Variants in OSMR observed in about 807,000 individuals in gnomAD.
OSMR encodes the protein oncostatin M receptor.
In OSMR, 81 loss-of-function variants were observed where a neutral mutation model predicts 99.9. The ratio of observed to expected loss-of-function variants is 0.81; its 90% CI spans 0.68 to 0.97. OSMR has a LOEUF of 0.97. Ranked by LOEUF, OSMR falls within the 50% of genes least tolerant of loss-of-function variation. The pLI, the probability that OSMR is intolerant of heterozygous loss-of-function variation, is 0.00. For synonymous variants in OSMR, 406 were observed against 410.4 expected, an observed-to-expected ratio of 0.99 and a Z score of 0.13; for missense variants, 1,099 against 1,153.4, an observed-to-expected ratio of 0.95 and a Z score of 0.68.
chr5:38,935,794 C>CTATT (rs1402790498), downstream of OSMR, among the ~76,000 whole-genome samples: 1 of 152,014 alleles, frequency 6.6e-6, no homozygotes, highest in African/African-American at 2.4e-5. Flanking sequence ...GACCTGGAAT[C>CTATT]TATTTTTTAT....
Position 38,944,611 on chromosome 5 carries a change from C to T in OSMR, c.*86+292C>T, listed in dbSNP as rs774258892. On this transcript the variant is annotated intron_variant and NMD_transcript_variant, in intron 2 of 2. Transcript: ENST00000508882. ...GAGAAGTTAAATATTATCTATGTCA[C>T]AATAAAATGATTAAAACTCATGAAA... is the stretch of plus-strand genomic sequence containing the variant. 12 of 1,494,670 alleles carry T rather than the reference C, an allele frequency of 8.0e-6. No homozygotes were observed. In the Admixed American group the frequency reaches 1.1e-4, roughly 13 times the overall value. The allele number at this position is 1,494,670 out of a possible 1,614,324, so 92.6% of individuals were successfully genotyped here.
chr5:38,942,495 G>C (rs982917407), intron 1 of OSMR: 4 of 505,146 alleles, frequency 7.9e-6, no homozygotes, highest in Non-Finnish European at 1.4e-5. Context: ...AGTCTTCCCA[G>C]GATGCAGCAC....
chr5:38,928,474 A>G (rs531966362), intron 15 of OSMR, among the ~76,000 whole-genome samples: 1 of 152,132 alleles, frequency 6.6e-6, no homozygotes, highest in East Asian at 1.9e-4. Flanking sequence ...AAGCAAACAC[A>G]TGCTTCTTCA....
At chr5:38,885,196 C>A in intron 5 of OSMR, 153 bp from the exon 6 acceptor site, 1 of 985,374 alleles carries the variant, frequency 1.0e-6, no homozygotes, top group African/African-American at 1.7e-5. Context: ...TGAAAAGTGA[C>A]TTTTGGAGGC....
chr5:38,900,069 C>T (rs760546633), intron 7 of OSMR, among the ~76,000 whole-genome samples: 20 of 152,150 alleles, frequency 1.3e-4, no homozygotes, highest in Non-Finnish European at 2.5e-4. Context: ...TGGTGAGCCT[C>T]GACAGAATCA....
rs570585839 is a variant in OSMR at position 38,864,812 on chromosome 5, G to A, written c.-13-4220G>A. 2.0e-5 allele frequency among the ~76,000 whole-genome samples: 3 copies of A among 152,110 alleles called. No homozygotes were observed. The South Asian group carries it at 6.2e-4, about 32-fold the overall frequency. On this transcript the variant is annotated intron_variant, in intron 1 of 17. Coordinates refer to ENST00000274276, the MANE Select transcript of OSMR (RefSeq NM_003999.3). ...TTGGGAAGTTTTCAGCTATTATTTT[G>A]TAAAATAGATTTTCAATGTCATTGC...
At chr5:38,898,125 A>G (rs1266503780) in intron 7 of OSMR, among the ~76,000 whole-genome samples, 2 of 152,162 alleles carry the variant, frequency 1.3e-5, no homozygotes, top group East Asian at 1.9e-4. Flanking sequence ...CATTTGTTCT[A>G]TAGTGCAGAT....
At chr5:38,926,206 G>C (rs1746466658) in intron 15 of OSMR, among the ~76,000 whole-genome samples, 1 of 152,214 alleles carries the variant, frequency 6.6e-6, no homozygotes, top group Middle Eastern at 3.2e-3. Flanking sequence ...AGGCTTGCCT[G>C]AAGTTACCAA....
intron 1 of OSMR, among the ~76,000 whole-genome samples, chr5:38,855,257 A>G (rs945050089): frequency 3.3e-5 from 5 of 152,284 alleles, no homozygotes; most frequent in East Asian, 3.9e-4. Flanking sequence ...TTCTGTCTGT[A>G]CTTCTGGTTT....
rs544164662 is a variant in OSMR at position 38,941,123 on chromosome 5, A to G, written c.75-3078A>G. 84 of 232,952 alleles carry G rather than the reference A, an allele frequency of 3.6e-4. 2 individuals are homozygous for G. In the South Asian group the frequency reaches 0.014, roughly 39 times the overall value. The allele number at this position is 232,952 out of a possible 1,614,324, so 14.4% of individuals were successfully genotyped here. A position where few individuals can be genotyped will look rare whatever the true frequency, so the allele number is the denominator to read the frequency against. On this transcript the variant is annotated intron_variant and NMD_transcript_variant, in intron 1 of 2. Transcript: ENST00000508882. ...TCCAAATACCTTTAGACATATACAA[A>G]TTAAACAAACAAAAACCTTGCCCTC...
At chr5:38,870,872 TG>T (rs1742332595) in intron 2 of OSMR, among the ~76,000 whole-genome samples, 1 of 152,164 alleles carries the variant, frequency 6.6e-6, no homozygotes. Flanking sequence ...AGTTTCACAG[TG>T]GGCATACTTT....
Position 38,890,315 on chromosome 5 carries a change from G to A in OSMR, c.991+4125G>A, listed in dbSNP as rs1744070184. On this transcript the variant is annotated intron_variant, in intron 7 of 17. Coordinates refer to ENST00000274276, the MANE Select transcript of OSMR (RefSeq NM_003999.3). The stretch of plus-strand genomic sequence containing the variant: ...GAACCTGAGTCTGTATTTTAACAAG[G>A]TCATCATGCATGGCAGACAAAGCAA... 4.6e-5 allele frequency among the ~76,000 whole-genome samples: 7 copies of A among 152,256 alleles called. 1 individual carries two copies. In the South Asian group the frequency reaches 1.5e-3, roughly 32 times the overall value.
chr5:38,886,431 T>A, intron 7 of OSMR: 1 of 1,104,480 alleles, frequency 9.1e-7, no homozygotes, highest in Non-Finnish European at 1.2e-6. Flanking sequence ...AAACTAGGAC[T>A]CTAACAATAA....
intron 7 of OSMR, among the ~76,000 whole-genome samples, chr5:38,887,076 G>A (rs572073213): frequency 6.6e-6 from 1 of 152,122 alleles, no homozygotes; most frequent in African/African-American, 2.4e-5. Context: ...GGCCACATCT[G>A]TTTTCTCTTT....
chr5:38,919,213 C>T, intron 11 of OSMR, 151 bp downstream of exon 11: 3 of 1,533,690 alleles, frequency 2.0e-6, no homozygotes, highest in Non-Finnish European at 2.6e-6. Context: ...CCAGGTGTGT[C>T]AACGTGTTTC....
chr5:38,924,976 C>G (rs140013389), intron 14 of OSMR: 1 of 438,032 alleles, frequency 2.3e-6, no homozygotes, highest in East Asian at 1.6e-4. Flanking sequence ...GGCTGGATCA[C>G]TAGTACCCCT....
At chr5:38,930,528 G>A (rs573773773) in intron 15 of OSMR, among the ~76,000 whole-genome samples, 3 of 152,282 alleles carry the variant, frequency 2.0e-5, no homozygotes, top group Admixed American at 2.0e-4. Flanking sequence ...AGAATCATAT[G>A]TAGATGTGAA....
rs1746252750 is a variant in OSMR at position 38,921,873 on chromosome 5, C to T, written c.1765+79C>T. The T allele has an allele frequency of 1.9e-5, 23 of 1,208,982 alleles. 1 individual carries two copies. The South Asian group carries it at 2.3e-4, about 12-fold the overall frequency. The allele number at this position is 1,208,982 out of a possible 1,614,324, so 74.9% of individuals were successfully genotyped here. ...CAAGTGGGATTTCTGGACTACTTCA[C>T]AGACTTTGACTGTGCTAAGCTAGTA... On this transcript the variant is annotated intron_variant, in intron 12 of 17. Coordinates refer to ENST00000274276, the MANE Select transcript of OSMR (RefSeq NM_003999.3).
intron 1 of OSMR, among the ~76,000 whole-genome samples, chr5:38,848,603 T>A (rs557027245): frequency 3.3e-5 from 5 of 152,358 alleles, no homozygotes; most frequent in African/African-American, 1.2e-4. Context: ...GATAATACCA[T>A]TCTAAGGCTT....
Sources: allele counts gnomAD v4.1 joint callset (sites outside exome capture counted in the v4.1 genomes callset), GRCh38; gene constraint gnomAD v4.1.1; transcripts MANE v1.5; gene names NCBI Gene and HGNC (gene_info 2026-07-23, HGNC 2026-07-21).